HMCN2: variants seen among roughly 807,000 people sequenced by gnomAD.
HMCN2 encodes the protein hemicentin-2.
Under a neutral mutation model 377.5 loss-of-function variants are expected in HMCN2, and 325 were observed. The observed-to-expected ratio is 0.86, with a 90% CI of 0.79 to 0.94. HMCN2 has a LOEUF of 0.94. Among genes scored for constraint, HMCN2 ranks in the 40% least tolerant of loss-of-function variants. The pLI is 0.00. For synonymous variants in HMCN2, 2,007 were observed against 2,046.8 expected, an observed-to-expected ratio of 0.98 and a Z score of 0.53; for missense variants, 4,543 against 4,725.3, an observed-to-expected ratio of 0.96 and a Z score of 1.13.
rs1435694047 is a variant in HMCN2 at position 130,382,217 on chromosome 9, C to T, written c.8465C>T (p.Ala2822Val). Residue 2822 changes from alanine to valine, a missense_variant, in exon 55 of 98, where the codon GCA (alanine) becomes GTA (valine). Ala to Val is a moderately conservative substitution (Grantham distance 64, BLOSUM62 0). Coordinates refer to ENST00000683500, the MANE Select transcript of HMCN2 (RefSeq NM_001291815.2). ...GRVLQIPLVR[A>V]ENAGRYSCKA... is the part of the protein sequence containing the mutation. ...GTCCTGCAGATCCCCCTGGTGCGGG[C>T]AGAGAACGCCGGGAGGTACTCGTGC... 1 of 985,854 alleles carries T rather than the reference C, an allele frequency of 1.0e-6. No individual in the cohort carries two copies. Among genetic ancestry groups the T allele is most frequent in the Middle Eastern group, 5.2e-4 (1 of 1,914 alleles). The allele number at this position is 985,854 out of a possible 1,614,324, so 61.1% of individuals were successfully genotyped here. A position where few individuals can be genotyped will look rare whatever the true frequency, so the allele number is the denominator to read the frequency against.
rs535665136 is a variant in HMCN2 at position 130,354,200 on chromosome 9, A to C, written c.4865-563A>C. Among the ~76,000 whole-genome samples, 10 of 152,344 alleles carry C rather than the reference A, an allele frequency of 6.6e-5. No individual in the cohort carries two copies. The South Asian group carries it at 2.1e-3, about 32-fold the overall frequency. Reference sequence around the variant, plus strand: ...GCCCTGGTAATGGCTTCATCAGCTCAGCAACTTGAGGGTCTCCTTGAGGGT... The same window carrying C: ...GCCCTGGTAATGGCTTCATCAGCTCCGCAACTTGAGGGTCTCCTTGAGGGT... On this transcript the variant is annotated intron_variant, in intron 31 of 97. Transcript: ENST00000683500.
intron 1 of HMCN2, among the ~76,000 whole-genome samples, chr9:130,272,723 T>C (rs548438252): frequency 6.6e-6 from 1 of 152,072 alleles, no homozygotes; most frequent in East Asian, 1.9e-4. Context: ...AATTTTTGTG[T>C]GTGTATATAT....
intron 85 of HMCN2, among the ~76,000 whole-genome samples, chr9:130,415,939 C>T (rs1362516379): frequency 6.6e-6 from 1 of 152,120 alleles, no homozygotes; most frequent in Non-Finnish European, 1.5e-5. Context: ...TCATCCTCTA[C>T]TGCACATCAA....
intron 96 of HMCN2, 148 bp from the exon 97 acceptor site, chr9:130,432,281 G>T: frequency 1.4e-6 from 1 of 704,932 alleles, no homozygotes; most frequent in East Asian, 2.7e-5. Context: ...CCAGCTGGGT[G>T]GTCATGGGTC....
At chr9:130,375,239 C>A (rs911016117) in intron 49 of HMCN2, among the ~76,000 whole-genome samples, 4 of 152,178 alleles carry the variant, frequency 2.6e-5, no homozygotes, top group African/African-American at 9.7e-5. Flanking sequence ...AACTCCCACT[C>A]CCCCCTCAAA....
Position 130,359,856 on chromosome 9 carries a change from C to T in HMCN2, c.5773+442C>T, listed in dbSNP as rs190778272. 1.1e-3 allele frequency among the ~76,000 whole-genome samples: 173 copies of T among 152,208 alleles called. 1 individual carries two copies. The highest frequency in any genetic ancestry group is 2.1e-3 in the Non-Finnish European group (141 of 67,982). On this transcript the variant is annotated intron_variant, in intron 37 of 97. Coordinates refer to ENST00000683500, the MANE Select transcript of HMCN2 (RefSeq NM_001291815.2). ...CTGCTCCCATCTGAACTAGGCCCAC[C>T]CTGCTTTGCTTGTTGCCTGTGAGCC...
intron 28 of HMCN2, 53 bp from the exon 29 acceptor site, chr9:130,349,484 G>A (rs899212443): frequency 3.8e-5 from 49 of 1,287,512 alleles, no homozygotes; most frequent in South Asian, 1.8e-4. Flanking sequence ...CGTGGTAGGC[G>A]GGGCTTGCAG....
intron 54 of HMCN2, among the ~76,000 whole-genome samples, chr9:130,381,646 G>A (rs1002588412): frequency 6.6e-6 from 1 of 152,172 alleles, no homozygotes; most frequent in Admixed American, 6.5e-5. Flanking sequence ...TGGGATTGTA[G>A]GATTGTAGGC....
Position 130,433,382 on chromosome 9 carries a change from A to T in HMCN2, c.14929A>T (p.Thr4977Ser). The change falls in exon 98 of 98, where the codon ACG becomes TCG. Residue 4977 changes from threonine to serine, a missense_variant. Coordinates refer to ENST00000683500, the MANE Select transcript of HMCN2 (RefSeq NM_001291815.2). ...CCGGCGCTGCTCGCAGGACTGCGGC[A>T]CGGGCGGCCCCTCTACGCTGCAGTA... is the stretch of plus-strand genomic sequence containing the variant. ...CFRRCSQDCG[T>S]GGPSTLQYRL... 6.8e-7 allele frequency: 1 copy of T among 1,479,254 alleles called. No individual in the cohort carries two copies. The highest frequency in any genetic ancestry group is 8.9e-7 in the Non-Finnish European group (1 of 1,122,700). 91.6% of individuals were successfully genotyped at this position (1,479,254 alleles called of 1,614,324 possible). A position where few individuals can be genotyped will look rare whatever the true frequency, so the allele number is the denominator to read the frequency against.
chr9:130,281,463 C>A (rs1484333470), intron 1 of HMCN2, among the ~76,000 whole-genome samples: 2 of 151,770 alleles, frequency 1.3e-5, no homozygotes, highest in African/African-American at 4.8e-5. Context: ...CCCGGCATGG[C>A]GGTACACCTC....
chr9:130,339,013 A>AC (rs1473178969), intron 23 of HMCN2, among the ~76,000 whole-genome samples: 2 of 149,994 alleles, frequency 1.3e-5, no homozygotes, highest in Non-Finnish European at 3.0e-5. Context: ...GCATAGCAAG[A>AC]CCCCATCTCT....
chr9:130,360,046 G>A lies in HMCN2; in HGVS notation c.5774-382G>A, dbSNP rs1457801957. ...TGCCCCCTAGGGGACGGGGTCTTCT[G>A]GTAGGGGGAGGGCAGGGCTGAGTTT... is the stretch of plus-strand genomic sequence containing the variant. On this transcript the variant is annotated intron_variant, in intron 37 of 97. Coordinates refer to ENST00000683500, the MANE Select transcript of HMCN2 (RefSeq NM_001291815.2). This position sits in a 1 kb window ranked among gnomAD's most constrained non-coding sequence, Gnocchi z 4.7. 6.6e-6 allele frequency among the ~76,000 whole-genome samples: 1 copy of A among 152,070 alleles called. No individual in the cohort carries two copies. The highest frequency in any genetic ancestry group is 2.4e-5 in the African/African-American group (1 of 41,384).
intron 86 of HMCN2, among the ~76,000 whole-genome samples, chr9:130,420,065 C>CTTTTTTTTTTTT (rs10586199): frequency 1.3e-5 from 1 of 77,030 alleles, no homozygotes; most frequent in Non-Finnish European, 2.4e-5. Flanking sequence ...CGTCCCACTT[C>CTTTTTTTTTTTT]TTTTTTTTTT....
intron 4 of HMCN2, among the ~76,000 whole-genome samples, chr9:130,290,342 G>A (rs1328054553): frequency 4.6e-5 from 7 of 152,178 alleles, no homozygotes; most frequent in Admixed American, 6.5e-5. Flanking sequence ...TTTCTGCCTC[G>A]TGTCCCAGCC....
Position 130,306,216 on chromosome 9 carries a change from C to A in HMCN2, c.1904C>A (p.Pro635His), listed in dbSNP as rs1554936664. Residue 635 changes from proline to histidine, a missense_variant, in exon 12 of 98, where the codon CCC (proline) becomes CAC (histidine). Pro to His is a moderately conservative substitution (Grantham distance 77, BLOSUM62 -2). Around this residue, in one of 5 missense-constraint regions of HMCN2, gnomAD observed 547 missense variants for 189.9 expected, o/e 2.88. Transcript: ENST00000683500. Reference sequence around the variant, plus strand: ...GTCAGCTGCTCAGCCTCTGGATACCCCACACCCCACATCTCCTGGAGCCGT... The same window carrying A: ...GTCAGCTGCTCAGCCTCTGGATACCACACACCCCACATCTCCTGGAGCCGT... ...VKVSCSASGY[P>H]TPHISWSRES... 2.1e-6 allele frequency: 1 copy of A among 471,092 alleles called. No homozygotes were observed. 29.2% of individuals were successfully genotyped at this position (471,092 alleles called of 1,614,324 possible).
intron 46 of HMCN2, 109 bp downstream of exon 46, chr9:130,371,240 G>A: frequency 1.7e-6 from 1 of 575,516 alleles, no homozygotes; most frequent in Non-Finnish European, 2.2e-6. Flanking sequence ...AGGCCTGGTT[G>A]GAATAATCAT....
intron 85 of HMCN2, among the ~76,000 whole-genome samples, chr9:130,413,590 A>G (rs77438801): frequency 2.6e-5 from 4 of 151,742 alleles, no homozygotes; most frequent in East Asian, 1.9e-4. Flanking sequence ...TAGAGAAAAG[A>G]AGGAGGATAG....
chr9:130,289,442 G>C (rs1350647535), intron 4 of HMCN2, among the ~76,000 whole-genome samples: 2 of 152,128 alleles, frequency 1.3e-5, no homozygotes, highest in African/African-American at 2.4e-5. Context: ...ACCCCTCCCA[G>C]GGGGAGGTGG....
At chr9:130,340,640 C>T (rs1437166498) in intron 23 of HMCN2, among the ~76,000 whole-genome samples, 24 of 152,110 alleles carry the variant, frequency 1.6e-4, no homozygotes, top group Admixed American at 1.4e-3. Context: ...GTGCTTCAGC[C>T]TCCGAGTAGT....
Sources: gnomAD v4.1 joint callset for allele counts (sites outside exome capture counted in the v4.1 genomes callset) on GRCh38, gnomAD v4.1.1 for gene constraint, gnomAD v4.1.1 regional missense constraint, Gnocchi (gnomAD v3.1) non-coding constraint, MANE v1.5 for transcripts, NCBI Gene and HGNC (gene_info 2026-07-23, HGNC 2026-07-21) for gene names.